Variants in AOC3 observed in about 807,000 individuals in gnomAD.
AOC3 encodes amine oxidase [copper-containing] 3.
A neutral mutation model predicts 55.4 loss-of-function variants in AOC3; 47 were observed. That is an observed-to-expected ratio of 0.85 (90% CI 0.67 to 1.08). The LOEUF (loss-of-function observed/expected upper bound fraction) is 1.08. Among genes scored for constraint, AOC3 ranks in the 50% least tolerant of loss-of-function variants. The pLI is 0.00. For synonymous variants in AOC3, 386 were observed against 410.7 expected, an observed-to-expected ratio of 0.94 and a Z score of 0.73; for missense variants, 853 against 993.1, an observed-to-expected ratio of 0.86 and a Z score of 1.90.
At position 42,852,144 on chromosome 17, in the gene AOC3, A is replaced by G; in HGVS notation, c.801A>G (p.Gln267=). Reference sequence around the variant, plus strand: ...GGACTATCCAGAAGGTGTTCTATCAAGGCCGCTACTACGACAGCCTGGCCC... The same window carrying G: ...GGACTATCCAGAAGGTGTTCTATCAGGGCCGCTACTACGACAGCCTGGCCC... The part of the protein sequence containing the change: ...ARWTIQKVFY[Q]GRYYDSLAQL... The change falls in exon 1 of 4, where the codon CAA becomes CAG. Residue 267 remains glutamine (Q), a synonymous_variant. Coordinates refer to ENST00000308423, the MANE Select transcript of AOC3 (RefSeq NM_003734.4). 7 of 1,613,912 alleles carry G rather than the reference A, an allele frequency of 4.3e-6. No homozygotes were observed. Among genetic ancestry groups the G allele is most frequent in the Non-Finnish European group, 5.9e-6 (7 of 1,179,848 alleles).
rs756654127 is a variant in AOC3, at chr17:42,854,735, T to A, written c.1886+2T>A. 1.3e-5 allele frequency: 19 copies of A among 1,465,302 alleles called. No individual in the cohort carries two copies. The highest frequency in any genetic ancestry group is 1.7e-5 in the Non-Finnish European group (19 of 1,103,562). The allele number at this position is 1,465,302 out of a possible 1,614,324, so 90.8% of individuals were successfully genotyped here. ...GGCGAGAGGCTTCAGCTGGGAGAGG[T>A]GAGTGGCGGGCAGTCAGAGAGGAGG... On this transcript the variant is annotated splice_donor_variant, in intron 2 of 3. Transcript: ENST00000308423. LOFTEE classifies it high-confidence loss of function.
In AOC3 at chr17:42,857,551, G is replaced by A. The variant is rs2055765501; in HGVS notation, c.*1001G>A. The A allele has an allele frequency of 6.6e-6, 1 of 152,360 alleles. No individual in the cohort carries two copies. Among genetic ancestry groups the A allele is most frequent in the Non-Finnish European group, 1.5e-5 (1 of 68,056 alleles). The allele number at this position is 152,360 out of a possible 1,614,324, so 9.4% of individuals were successfully genotyped here. On this transcript the variant is annotated 3_prime_UTR_variant, in exon 4 of 4. Transcript: ENST00000308423. The stretch of plus-strand genomic sequence containing the variant: ...CAACTCCAGCCACCCAGCCAGGAGG[G>A]GCTGTCCAATCACATTCAGGCATGC...
chr17:42,856,216 A>G (rs886341624), intron 3 of AOC3, 59 bp from the exon 4 acceptor site: 6 of 1,584,996 alleles, frequency 3.8e-6, no homozygotes, highest in Non-Finnish European at 5.2e-6. Flanking sequence ...CTGAATCCCT[A>G]CCAGGGCATG....
chr17:42,852,123 T>C lies in AOC3; in HGVS notation c.780T>C (p.Thr260=). The C allele has an allele frequency of 1.2e-6, 2 of 1,613,926 alleles. No individual in the cohort carries two copies. The highest frequency in any genetic ancestry group is 1.7e-6 in the Non-Finnish European group (2 of 1,179,862). Reference sequence around the variant, plus strand: ...AGGCCCTTGACCCTGCCCGCTGGACTATCCAGAAGGTGTTCTATCAAGGCC... The same window carrying C: ...AGGCCCTTGACCCTGCCCGCTGGACCATCCAGAAGGTGTTCTATCAAGGCC... The part of the protein sequence containing the change: ...NHKALDPARW[T]IQKVFYQGRY... The change falls in exon 1 of 4, where the codon ACT becomes ACC. Residue 260 remains threonine, a synonymous_variant. Coordinates refer to ENST00000308423, the MANE Select transcript of AOC3 (RefSeq NM_003734.4).
Position 42,855,500 on chromosome 17 carries a change from T to G in AOC3, c.1943T>G (p.Phe648Cys). 1 of 1,613,552 alleles carries G rather than the reference T, an allele frequency of 6.2e-7. No individual in the cohort carries two copies. The highest frequency in any genetic ancestry group is 8.5e-7 in the Non-Finnish European group (1 of 1,179,848). Residue 648 changes from phenylalanine to cysteine, a missense_variant, in exon 3 of 4, where the codon TTC becomes TGC. Phe to Cys is a radical substitution (Grantham distance 205). Coordinates refer to ENST00000308423, the MANE Select transcript of AOC3 (RefSeq NM_003734.4). ...KEEEPSSSSVFNQNDPWAPTV... is the reference protein window; with the variant it reads ...KEEEPSSSSVCNQNDPWAPTV... The stretch of plus-strand genomic sequence containing the variant: ...GAGGAGCCCAGTAGCAGCAGCGTTT[T>G]CAATCAGAATGACCCTTGGGCCCCC...
intron 1 of AOC3, chr17:42,853,170 G>T: frequency 7.3e-7 from 1 of 1,376,446 alleles, no homozygotes. Flanking sequence ...AAAGATCTTG[G>T]GAAATGGCCG....
At position 42,851,616 on chromosome 17, in the gene AOC3, C is replaced by G; in HGVS notation, c.273C>G (p.Pro91=). The G allele has an allele frequency of 6.2e-7, 1 of 1,613,340 alleles. No homozygotes were observed. The highest frequency in any genetic ancestry group is 1.1e-5 in the South Asian group (1 of 91,050). Residue 91 remains proline, a synonymous_variant, in exon 1 of 4, where the codon CCC becomes CCG. Coordinates refer to ENST00000308423, the MANE Select transcript of AOC3 (RefSeq NM_003734.4). ...TGGTGGATGCAGCCCAGGCCCGGCCCTCGGACAACTGTGTCTTCTCAGTGG... is the reference window on the plus strand; with the variant it reads ...TGGTGGATGCAGCCCAGGCCCGGCCGTCGGACAACTGTGTCTTCTCAGTGG... ...PGLVDAAQAR[P]SDNCVFSVEL... is the part of the protein sequence containing the mutation.
At position 42,855,656 on chromosome 17, in the gene AOC3, G is replaced by A. The variant is rs904221092; in HGVS notation, c.2016+83G>A. 1.2e-5 allele frequency: 19 copies of A among 1,582,870 alleles called. No individual in the cohort carries two copies. In the African/African-American group the frequency reaches 1.6e-4, roughly 13 times the overall value. On this transcript the variant is annotated intron_variant, in intron 3 of 3. Transcript: ENST00000308423. Reference sequence around the variant, plus strand: ...CTGAAAACCACCTGCACTTCTCAGGGGTGGTGCTGATTCCTGCCTTCTGCA... The same window carrying A: ...CTGAAAACCACCTGCACTTCTCAGGAGTGGTGCTGATTCCTGCCTTCTGCA...
rs754461333 is a variant in AOC3 at position 42,855,542 on chromosome 17, A to G, written c.1985A>G (p.Asp662Gly). 1.2e-6 allele frequency: 2 copies of G among 1,614,116 alleles called. No individual in the cohort carries two copies. Among genetic ancestry groups the G allele is most frequent in the Non-Finnish European group, 1.7e-6 (2 of 1,180,006 alleles). ...TGGGCCCCCACTGTGGATTTCAGTG[A>G]CTTCATCAACAATGAGACCATTGCT... The part of the protein sequence containing the change: ...DPWAPTVDFS[D>G]FINNETIAGK... The change falls in exon 3 of 4, where the codon GAC becomes GGC. Residue 662 changes from aspartate to glycine, a missense_variant. Physicochemically the swap from Asp to Gly is moderately conservative, Grantham distance 94. Coordinates refer to ENST00000308423, the MANE Select transcript of AOC3 (RefSeq NM_003734.4).
At chr17:42,853,343 AC>A (rs2055702307) in intron 1 of AOC3, 2 of 1,019,880 alleles carry the variant, frequency 2.0e-6, no homozygotes, top group African/African-American at 3.4e-5. Flanking sequence ...TTTGCATTCT[AC>A]CACGTCCCTG....
intron 3 of AOC3, 110 bp downstream of exon 3, chr17:42,855,683 TTC>T: frequency 7.0e-7 from 1 of 1,435,290 alleles, no homozygotes; most frequent in East Asian, 2.3e-5. Context: ...CCTTCTGCAC[TTC>T]AGTATATCTG....
In AOC3 at chr17:42,851,649, G is replaced by A. The variant is rs772522212; in HGVS notation, c.306G>A (p.Gln102=). The A allele has an allele frequency of 6.2e-7, 1 of 1,612,982 alleles. No individual in the cohort carries two copies. The highest frequency in any genetic ancestry group is 1.3e-5 in the African/African-American group (1 of 74,900). ...ACTGTGTCTTCTCAGTGGAGTTGCA[G>A]CTGCCTCCCAAGGCTGCAGCCCTGG... ...SDNCVFSVEL[Q]LPPKAAALAH... Residue 102 remains glutamine, a synonymous_variant, in exon 1 of 4, where the codon CAG becomes CAA. Transcript: ENST00000308423.
chr17:42,851,728 T>G lies in AOC3; in HGVS notation c.385T>G (p.Phe129Val), dbSNP rs763852806. ...TGCCCGGGAGGCACTGGCCATCGTC[T>G]TCTTTGGCAGGCAACCCCAGCCCAA... ...PPAREALAIV[F>V]FGRQPQPNVS... The change falls in exon 1 of 4, where the codon TTC (phenylalanine) becomes GTC (valine). Residue 129 changes from phenylalanine to valine, a missense_variant. Coordinates refer to ENST00000308423, the MANE Select transcript of AOC3 (RefSeq NM_003734.4). The G allele has an allele frequency of 3.5e-5, 57 of 1,612,190 alleles. No homozygotes were observed. Among genetic ancestry groups the G allele is most frequent in the Middle Eastern group, 1.7e-4 (1 of 6,010 alleles).
At position 42,854,666 on chromosome 17, in the gene AOC3, A is replaced by C; in HGVS notation, c.1819A>C (p.Met607Leu). Residue 607 changes from methionine to leucine, a missense_variant, in exon 2 of 4, where the codon ATG becomes CTG. By Grantham distance (15) the Met-to-Leu change is conservative. Transcript: ENST00000308423. ...TCACCCCCGGGGCTACCGCATCCAG[A>C]TGCTCAGCTTTGCTGGAGAGCCGCT... ...WGHPRGYRIQ[M>L]LSFAGEPLPQ... The C allele has an allele frequency of 6.5e-7, 1 of 1,533,206 alleles. No individual in the cohort carries two copies. Among genetic ancestry groups the C allele is most frequent in the Non-Finnish European group, 8.8e-7 (1 of 1,134,570 alleles). The allele number at this position is 1,533,206 out of a possible 1,614,324, so 95.0% of individuals were successfully genotyped here.
chr17:42,855,588 G>A lies in AOC3; in HGVS notation c.2016+15G>A, dbSNP rs756064006. 6 of 1,614,158 alleles carry A rather than the reference G, an allele frequency of 3.7e-6. No individual in the cohort carries two copies. The highest frequency in any genetic ancestry group is 3.3e-5 in the South Asian group (3 of 91,066). ...TTGCTGGAAAGGTCAGCTGGCCGGGGTAGAGGGTACAGGATGAGCCTTGCT... is the reference window on the plus strand; with the variant it reads ...TTGCTGGAAAGGTCAGCTGGCCGGGATAGAGGGTACAGGATGAGCCTTGCT... On this transcript the variant is annotated intron_variant, in intron 3 of 3. Coordinates refer to ENST00000308423, the MANE Select transcript of AOC3 (RefSeq NM_003734.4).
chr17:42,852,743 C>A lies in AOC3; in HGVS notation c.1400C>A (p.Thr467Asn), dbSNP rs764686944. The change falls in exon 1 of 4, where the codon ACC (threonine) becomes AAC (asparagine). Residue 467 changes from threonine (T) to asparagine (N), a missense_variant. Transcript: ENST00000308423. ...GTGCTGGTCGTCAGATCTATGTCCA[C>A]CTTGCTCAACTATGACTATGTGTGG... ...ETVLVVRSMS[T>N]LLNYDYVWDT... The A allele has an allele frequency of 2.5e-6, 4 of 1,614,226 alleles. No individual in the cohort carries two copies. The South Asian group carries it at 4.4e-5, about 18-fold the overall frequency.
In AOC3 at chr17:42,856,927, G is replaced by C. The variant is rs1327652515; in HGVS notation, c.*377G>C. On this transcript the variant is annotated 3_prime_UTR_variant, in exon 4 of 4. Transcript: ENST00000308423. ...GCTATTCCCTGGAGACCCCAGAGTAGGGTTGCCAGTCCTGCAAGTCCATAG... is the reference window on the plus strand; with the variant it reads ...GCTATTCCCTGGAGACCCCAGAGTACGGTTGCCAGTCCTGCAAGTCCATAG... 1.2e-5 allele frequency: 3 copies of C among 240,116 alleles called. No homozygotes were observed. In the East Asian group the frequency reaches 2.9e-4, roughly 23 times the overall value. 14.9% of individuals were successfully genotyped at this position (240,116 alleles called of 1,614,324 possible).
rs536775431 is a variant in AOC3 at position 42,851,426 on chromosome 17, G to C, written c.83G>C (p.Arg28Thr). Residue 28 changes from arginine to threonine, a missense_variant, in exon 1 of 4, where the codon AGG becomes ACG. Arg to Thr is a moderately conservative substitution (Grantham distance 71). Transcript: ENST00000308423. Reference sequence around the variant, plus strand: ...TTGGTTTGTGTCCTGCTGGTGGGCAGGGGTGGAGATGGGGGTGAACCCAGC... The same window carrying C: ...TTGGTTTGTGTCCTGCTGGTGGGCACGGGTGGAGATGGGGGTGAACCCAGC... ...FALVCVLLVGRGGDGGEPSQL... is the reference protein window; with the variant it reads ...FALVCVLLVGTGGDGGEPSQL... 1.2e-4 allele frequency: 197 copies of C among 1,614,226 alleles called. 2 individuals are homozygous for C. The South Asian group carries it at 2.1e-3, about 17-fold the overall frequency.
chr17:42,851,247 C>A lies in AOC3; in HGVS notation c.-97C>A. 5 of 1,412,262 alleles carry A rather than the reference C, an allele frequency of 3.5e-6. No homozygotes were observed. The highest frequency in any genetic ancestry group is 4.8e-6 in the Non-Finnish European group (5 of 1,037,394). 87.5% of individuals were successfully genotyped at this position (1,412,262 alleles called of 1,614,324 possible). ...GAACCTCAGCCAGAGTCCGGGAGCC[C>A]CCCACCCCGTCCAGGAGCCAACAGA... On this transcript the variant is annotated 5_prime_UTR_variant, in exon 1 of 4. Coordinates refer to ENST00000308423, the MANE Select transcript of AOC3 (RefSeq NM_003734.4).
Sources: allele counts gnomAD v4.1 joint callset, GRCh38; gene constraint gnomAD v4.1.1; transcripts MANE v1.5; gene names NCBI Gene and HGNC (gene_info 2026-07-23, HGNC 2026-07-21).